The following RPS6KC1 variants were observed in gnomAD, a reference collection of about 807,000 sequenced individuals.
RPS6KC1 encodes the protein inactive ribosomal protein S6 kinase delta-1.
In RPS6KC1, 54 loss-of-function variants were observed where a neutral mutation model predicts 103.8. The ratio of observed to expected loss-of-function variants is 0.52; its 90% CI spans 0.42 to 0.65. The LOEUF is 0.65. RPS6KC1 is among the 30% of genes least tolerant of loss of function. RPS6KC1 has a pLI of 0.00. For missense variants in RPS6KC1, 1,151 were observed against 1,253.8 expected (o/e 0.92, Z 1.24); for synonymous variants, 439 against 438.7 (o/e 1.00, Z -0.01).
At chr1:213,596,510 T>G in the RPS6KC1 span, among the ~76,000 whole-genome samples, 2 of 152,368 alleles carry the variant, frequency 1.3e-5, no homozygotes, top group South Asian at 4.1e-4. Context: ...TTTGATGGAA[T>G]GAAGGGTCAG....
At chr1:213,748,053 A>G in the RPS6KC1 span, among the ~76,000 whole-genome samples, 10 of 152,304 alleles carry the variant, frequency 6.6e-5, no homozygotes, top group African/African-American at 2.2e-4. Flanking sequence ...GGTTACAAAG[A>G]TGCCTAGATC....
chr1:213,234,293 G>T (rs1466759237), intron 10 of RPS6KC1, among the ~76,000 whole-genome samples: 1 of 152,092 alleles, frequency 6.6e-6, no homozygotes, highest in African/African-American at 2.4e-5. Context: ...TTGCAGGGGT[G>T]AGCCACCACG....
chr1:213,627,946 T>C, the RPS6KC1 span, among the ~76,000 whole-genome samples: 1 of 152,192 alleles, frequency 6.6e-6, no homozygotes, highest in Admixed American at 6.5e-5. Flanking sequence ...ATAAAATGAG[T>C]TAGGGAGGAT....
At chr1:213,428,462 T>TCCCCTCCC in the RPS6KC1 span, among the ~76,000 whole-genome samples, 1 of 27,766 alleles carries the variant, frequency 3.6e-5, no homozygotes, top group Non-Finnish European at 6.4e-5. Context: ...CCCTTCCTTC[T>TCCCCTCCC]TTCCTCCCTC....
chr1:213,420,128 T>A, the RPS6KC1 span, among the ~76,000 whole-genome samples: 1 of 152,226 alleles, frequency 6.6e-6, no homozygotes, highest in South Asian at 2.1e-4. Context: ...GCCCTCTGCT[T>A]AATCTCGCCA....
At chr1:213,520,178 C>G in the RPS6KC1 span, among the ~76,000 whole-genome samples, 1 of 152,146 alleles carries the variant, frequency 6.6e-6, no homozygotes, top group Admixed American at 6.5e-5. Flanking sequence ...AAAGACATGT[C>G]TGAGACTGGG....
chr1:213,239,347 A>AT (rs2094299108), intron 10 of RPS6KC1, among the ~76,000 whole-genome samples: 1 of 152,076 alleles, frequency 6.6e-6, no homozygotes, highest in Non-Finnish European at 1.5e-5. Flanking sequence ...AAAAAAAAAA[A>AT]GTTAAATAAA....
chr1:213,607,793 G>A, the RPS6KC1 span, among the ~76,000 whole-genome samples: 1 of 151,998 alleles, frequency 6.6e-6, no homozygotes, highest in Non-Finnish European at 1.5e-5. Flanking sequence ...AGTGCGTGTT[G>A]GGGATTGGGC....
At chr1:213,674,865 C>A in the RPS6KC1 span, among the ~76,000 whole-genome samples, 12 of 152,006 alleles carry the variant, frequency 7.9e-5, no homozygotes, top group South Asian at 4.2e-4. Context: ...CATTGTGGTT[C>A]TGATTTTCAT....
the RPS6KC1 span, among the ~76,000 whole-genome samples, chr1:213,401,938 C>T: frequency 0.026 from 4,016 of 152,146 alleles, 205 homozygotes; most frequent in African/African-American, 0.091. Context: ...AGGTGTGTGC[C>T]ACCATGCTTG....
the RPS6KC1 span, among the ~76,000 whole-genome samples, chr1:213,631,168 C>T: frequency 3.9e-5 from 6 of 152,052 alleles, no homozygotes; most frequent in East Asian, 1.9e-4. Flanking sequence ...CCTGGTGAGG[C>T]GATGCCTCAC....
the RPS6KC1 span, among the ~76,000 whole-genome samples, chr1:213,853,253 T>C: frequency 6.6e-6 from 1 of 152,214 alleles, no homozygotes; most frequent in African/African-American, 2.4e-5. Context: ...TGGAGGCCAG[T>C]GTGGTAACTA....
the RPS6KC1 span, among the ~76,000 whole-genome samples, chr1:213,338,305 C>G: frequency 6.6e-6 from 1 of 152,234 alleles, no homozygotes; most frequent in African/African-American, 2.4e-5. Context: ...CCCTCCTGCT[C>G]TTGGCTTCTC....
At chr1:213,416,964 C>T in the RPS6KC1 span, among the ~76,000 whole-genome samples, 1 of 152,194 alleles carries the variant, frequency 6.6e-6, no homozygotes, top group African/African-American at 2.4e-5. Context: ...GACCTAGCCG[C>T]AGTGAGGTTT....
the RPS6KC1 span, among the ~76,000 whole-genome samples, chr1:213,719,199 G>T: frequency 1.3e-5 from 2 of 152,198 alleles, no homozygotes; most frequent in Non-Finnish European, 2.9e-5. Flanking sequence ...TAGGGATTAA[G>T]AACAATTCAA....
At chr1:213,652,309 T>A in the RPS6KC1 span, among the ~76,000 whole-genome samples, 1 of 152,154 alleles carries the variant, frequency 6.6e-6, no homozygotes, top group Non-Finnish European at 1.5e-5. Flanking sequence ...GTGGTGACCA[T>A]TAGTGTCCCC....
chr1:213,478,974 C>G, the RPS6KC1 span, among the ~76,000 whole-genome samples: 1 of 151,858 alleles, frequency 6.6e-6, no homozygotes, highest in Non-Finnish European at 1.5e-5. Context: ...TTTGTAATCA[C>G]TAATAGTCAT....
At chr1:213,627,599 C>T in the RPS6KC1 span, among the ~76,000 whole-genome samples, 2 of 152,156 alleles carry the variant, frequency 1.3e-5, no homozygotes, top group African/African-American at 4.8e-5. Flanking sequence ...TATGTCCCAT[C>T]AATACCTAAT....
At chr1:213,593,449 G>A in the RPS6KC1 span, among the ~76,000 whole-genome samples, 1 of 152,192 alleles carries the variant, frequency 6.6e-6, no homozygotes, top group Non-Finnish European at 1.5e-5. Flanking sequence ...TATTCCCCTG[G>A]AAGGGGTTAC....
Sources: gnomAD v4.1 joint callset for allele counts (sites outside exome capture counted in the v4.1 genomes callset) on GRCh38, gnomAD v4.1.1 for gene constraint, MANE v1.5 for transcripts, NCBI Gene and HGNC (gene_info 2026-07-23, HGNC 2026-07-21) for gene names.